CSMD3: variants seen among roughly 807,000 people sequenced by gnomAD.
The protein encoded by CSMD3 is CUB and sushi domain-containing protein 3.
Under a neutral mutation model 435.2 loss-of-function variants are expected in CSMD3, and 177 were observed. The ratio of observed to expected loss-of-function variants is 0.41; its 90% CI spans 0.36 to 0.46. CSMD3 has a LOEUF of 0.46. Among genes scored for constraint, CSMD3 ranks in the 20% least tolerant of loss-of-function variants. The pLI, the probability that CSMD3 is intolerant of heterozygous loss-of-function variation, is 0.34. For synonymous variants in CSMD3, 1,656 were observed against 1,520.5 expected, an observed-to-expected ratio of 1.09 and a Z score of -2.07; for missense variants, 4,265 against 4,504.6, an observed-to-expected ratio of 0.95 and a Z score of 1.52.
At chr8:112,930,312 C>T (rs986954872) in intron 9 of CSMD3, among the ~76,000 whole-genome samples, 2 of 151,992 alleles carry the variant, frequency 1.3e-5, no homozygotes, top group Non-Finnish European at 1.5e-5. Context: ...TGAAGATAAA[C>T]CTATTTGTAT....
At chr8:112,635,576 C>G (rs2074634081) in intron 22 of CSMD3, among the ~76,000 whole-genome samples, 1 of 151,836 alleles carries the variant, frequency 6.6e-6, no homozygotes, top group Admixed American at 6.6e-5. Flanking sequence ...GATTACTTAT[C>G]ACCTCCCAAC....
intron 10 of CSMD3, among the ~76,000 whole-genome samples, chr8:112,909,276 A>G (rs2082342654): frequency 6.6e-6 from 1 of 151,634 alleles, no homozygotes; most frequent in South Asian, 2.1e-4. Context: ...TGAGAAACAC[A>G]AGAAGTCATC....
intron 31 of CSMD3, among the ~76,000 whole-genome samples, chr8:112,473,248 C>T (rs1360635119): frequency 1.3e-5 from 2 of 152,012 alleles, no homozygotes; most frequent in East Asian, 1.9e-4. Flanking sequence ...TATTGGCTAC[C>T]TCAGGCCCAA....
intron 27 of CSMD3, among the ~76,000 whole-genome samples, chr8:112,543,445 A>T (rs1319863361): frequency 6.6e-6 from 1 of 152,148 alleles, no homozygotes; most frequent in Non-Finnish European, 1.5e-5. Context: ...GCATTTCTAT[A>T]AAAAAGGCAT....
At chr8:112,746,321 G>C (rs1021981389) in intron 13 of CSMD3, among the ~76,000 whole-genome samples, 36 of 152,146 alleles carry the variant, frequency 2.4e-4, no homozygotes, top group Admixed American at 2.0e-3. Context: ...TCCTGGTCTT[G>C]GTTTCTTGGT....
At chr8:112,920,693 G>A (rs183707702) in intron 10 of CSMD3, among the ~76,000 whole-genome samples, 1 of 151,720 alleles carries the variant, frequency 6.6e-6, no homozygotes, top group South Asian at 2.1e-4. Context: ...GTTTTGCACT[G>A]TGAATTACTT....
At chr8:112,450,926 T>C (rs1041925309) in intron 32 of CSMD3, among the ~76,000 whole-genome samples, 1 of 152,112 alleles carries the variant, frequency 6.6e-6, no homozygotes, top group African/African-American at 2.4e-5. Flanking sequence ...TAGAAACAAA[T>C]CAGAGATGCC....
chr8:113,401,532 G>A (rs1588666082), intron 1 of CSMD3, among the ~76,000 whole-genome samples: 1 of 151,520 alleles, frequency 6.6e-6, no homozygotes, highest in East Asian at 1.9e-4. Context: ...TTGTCACTAT[G>A]TTAAGTGATC....
At chr8:113,143,777 T>C (rs974779422) in intron 4 of CSMD3, among the ~76,000 whole-genome samples, 2 of 151,428 alleles carry the variant, frequency 1.3e-5, no homozygotes, top group Non-Finnish European at 3.0e-5. Context: ...GATTAGTGAT[T>C]GTAAGAGGTT....
chr8:113,027,839 G>A (rs749770550), intron 5 of CSMD3, among the ~76,000 whole-genome samples: 5 of 151,884 alleles, frequency 3.3e-5, no homozygotes, highest in Non-Finnish European at 7.4e-5. Context: ...TATAAAAAAT[G>A]GATCTTATAG....
chr8:112,605,658 GA>G (rs56000297), intron 22 of CSMD3, among the ~76,000 whole-genome samples: 31,419 of 149,540 alleles, frequency 0.21, 3,362 homozygotes, highest in Middle Eastern at 0.36. Context: ...GGGCAAGGAT[GA>G]AAAAAAAAAA....
At chr8:113,421,902 C>G (rs2094610708) in intron 1 of CSMD3, among the ~76,000 whole-genome samples, 2 of 152,082 alleles carry the variant, frequency 1.3e-5, no homozygotes, top group South Asian at 4.1e-4. Context: ...TCCATTTGCC[C>G]AAGGACAGGT....
rs1563582498 is a variant in CSMD3 at position 112,472,609 on chromosome 8, C to G, written c.5377G>C (p.Ala1793Pro). 1 of 1,579,360 alleles carries G rather than the reference C, an allele frequency of 6.3e-7. No individual in the cohort carries two copies. The highest frequency in any genetic ancestry group is 8.7e-7 in the Non-Finnish European group (1 of 1,148,624). The change falls in exon 32 of 71, where the codon GCA becomes CCA. Residue 1793 changes from alanine to proline, a missense_variant. By Grantham distance (27) the Ala-to-Pro change is conservative. This residue lies in a region of CSMD3 where 3,255 missense variants were observed against 3,380.2 expected (regional missense o/e 0.96). Transcript: ENST00000297405. ...SVGHNCVYSI[A>P]VPKEFVVFGQ... ...TACTTACCAAACTCCTTTGGAACTG[C>G]TATAGAATAAACACAATTATGTCCC...
intron 32 of CSMD3, among the ~76,000 whole-genome samples, chr8:112,468,232 G>GTGTTTTTTTTTTTTTTTTT (rs1818152244): frequency 8.7e-6 from 1 of 114,882 alleles, no homozygotes; most frequent in African/African-American, 3.2e-5. Flanking sequence ...ATTGCCTAAA[G>GTGTTTTTTTTTTTTTTTTT]TATTTTTTTT....
chr8:112,731,347 A>G (rs2077070878), intron 13 of CSMD3, among the ~76,000 whole-genome samples: 1 of 152,150 alleles, frequency 6.6e-6, no homozygotes, highest in Admixed American at 6.6e-5. Context: ...TAGCATAGAG[A>G]ATCTGTGCAA....
chr8:113,003,739 G>A (rs2085951641), intron 6 of CSMD3, among the ~76,000 whole-genome samples: 1 of 151,880 alleles, frequency 6.6e-6, no homozygotes, highest in Non-Finnish European at 1.5e-5. Context: ...TGATTCCAGG[G>A]AATAAGATTG....
chr8:112,796,025 G>A (rs931508146), intron 13 of CSMD3, among the ~76,000 whole-genome samples: 3 of 152,108 alleles, frequency 2.0e-5, no homozygotes, highest in Admixed American at 2.0e-4. Flanking sequence ...GTGTGTGGTT[G>A]TGCATGTGCA....
intron 35 of CSMD3, among the ~76,000 whole-genome samples, chr8:112,398,134 G>A (rs997777924): frequency 2.6e-5 from 4 of 152,212 alleles, no homozygotes; most frequent in Middle Eastern, 3.4e-3. Context: ...ATCTTAAGCA[G>A]GACCAAAACC....
intron 3 of CSMD3, among the ~76,000 whole-genome samples, chr8:113,179,412 A>G (rs1158718116): frequency 6.6e-6 from 1 of 151,794 alleles, no homozygotes; most frequent in African/African-American, 2.4e-5. Context: ...ATGTTAGATC[A>G]TTCTTGGTCT....
Sources: allele counts gnomAD v4.1 joint callset (sites outside exome capture counted in the v4.1 genomes callset), GRCh38; gene constraint gnomAD v4.1.1; regional missense constraint gnomAD v4.1.1; transcripts MANE v1.5; gene names NCBI Gene and HGNC (gene_info 2026-07-23, HGNC 2026-07-21).